Variants in RUNX1T1 observed in about 807,000 individuals in gnomAD.
RUNX1T1 encodes protein CBFA2T1.
In RUNX1T1, 4 loss-of-function variants were observed where a neutral mutation model predicts 62.8. The observed-to-expected ratio is 0.06, with a 90% CI of 0.03 to 0.15. The LOEUF (loss-of-function observed/expected upper bound fraction) is 0.15. RUNX1T1 is among the 10% of genes least tolerant of loss of function. The probability of loss-of-function intolerance (pLI) is 1.00; values close to 1 mark genes in which losing one functional copy is unlikely to be tolerated. For synonymous variants in RUNX1T1, 291 were observed against 286.0 expected (o/e 1.02, Z -0.18); for missense variants, 508 against 754.3 (o/e 0.67, Z 3.82).
At chr8:92,039,851 T>G (rs2130081747) in intron 1 of RUNX1T1, among the ~76,000 whole-genome samples, 1 of 152,284 alleles carries the variant, frequency 6.6e-6, no homozygotes, top group Middle Eastern at 3.4e-3. Context: ...CTAGAGCCTG[T>G]ACCTTCCTCC....
chr8:91,970,378 C>T (rs1812570119), intron 10 of RUNX1T1, among the ~76,000 whole-genome samples: 1 of 152,070 alleles, frequency 6.6e-6, no homozygotes, highest in Non-Finnish European at 1.5e-5. Context: ...ACACACACAG[C>T]CAAGCTATGA....
intron 10 of RUNX1T1, among the ~76,000 whole-genome samples, chr8:91,962,545 TTC>T (rs1810730675): frequency 6.6e-6 from 1 of 152,232 alleles, no homozygotes; most frequent in Non-Finnish European, 1.5e-5. Flanking sequence ...CAAGAAGCCT[TTC>T]TCTCTCAAAA....
intron 9 of RUNX1T1, among the ~76,000 whole-genome samples, chr8:91,974,639 C>A (rs1482756235): frequency 1.3e-5 from 2 of 152,054 alleles, no homozygotes; most frequent in African/African-American, 4.8e-5. Context: ...TGGTACTTGG[C>A]ATATTTTTAA....
chr8:92,062,843 T>C (rs765915455), exon 1 of RUNX1T1: 9 of 1,419,558 alleles, frequency 6.3e-6, no homozygotes, highest in Admixed American at 2.8e-5. Context: ...GGGATGTGTG[T>C]GCAAAGTATC....
chr8:92,016,381 G>A (rs1365608246), intron 2 of RUNX1T1, among the ~76,000 whole-genome samples: 1 of 151,974 alleles, frequency 6.6e-6, no homozygotes, highest in Non-Finnish European at 1.5e-5. Flanking sequence ...ACAGGTTCAA[G>A]ACAAGAAAGA....
intron 1 of RUNX1T1, among the ~76,000 whole-genome samples, chr8:92,096,964 G>A (rs1270337264): frequency 2.6e-5 from 4 of 151,748 alleles, no homozygotes; most frequent in Non-Finnish European, 4.4e-5. Flanking sequence ...GTTGAGCACC[G>A]CCCCCTCTCC....
chr8:91,984,296 T>C (rs1048357007), intron 8 of RUNX1T1, among the ~76,000 whole-genome samples: 5 of 152,238 alleles, frequency 3.3e-5, no homozygotes, highest in South Asian at 2.1e-4. Context: ...TAGTAGTGAC[T>C]ATACACAAAA....
chr8:92,078,384 T>A (rs1191436403), intron 1 of RUNX1T1, among the ~76,000 whole-genome samples: 1 of 152,158 alleles, frequency 6.6e-6, no homozygotes, highest in East Asian at 1.9e-4. Flanking sequence ...GTCTGTCACA[T>A]GGAAGTGATA....
intron 1 of RUNX1T1, among the ~76,000 whole-genome samples, chr8:92,077,594 T>C (rs1834614580): frequency 6.6e-6 from 1 of 152,082 alleles, no homozygotes; most frequent in African/African-American, 2.4e-5. Context: ...TTATATAGGC[T>C]AAACAAATAT....
At chr8:92,075,462 A>G (rs1834283155) in intron 2 of RUNX1T1, among the ~76,000 whole-genome samples, 1 of 152,258 alleles carries the variant, frequency 6.6e-6, no homozygotes, top group Admixed American at 6.5e-5. Flanking sequence ...TATGGAATGA[A>G]CTCTGCTTAG....
At chr8:92,066,994 ACCT>A (rs1354498080), upstream of RUNX1T1, among the ~76,000 whole-genome samples, 2 of 152,192 alleles carry the variant, frequency 1.3e-5, no homozygotes, top group African/African-American at 4.8e-5. Flanking sequence ...AAGCATTTGC[ACCT>A]CCTCAACTTT....
At chr8:92,073,241 T>C (rs984410601) in intron 2 of RUNX1T1, among the ~76,000 whole-genome samples, 1 of 152,168 alleles carries the variant, frequency 6.6e-6, no homozygotes. Context: ...AATGGCATTC[T>C]AGAGGACCAA....
intron 3 of RUNX1T1, among the ~76,000 whole-genome samples, 199 bp downstream of exon 4, chr8:92,014,379 GA>G (rs1822589948): frequency 6.6e-6 from 1 of 151,692 alleles, no homozygotes; most frequent in Non-Finnish European, 1.5e-5. Flanking sequence ...CAAACAGTGA[GA>G]AAAAAAACTC....
intron 10 of RUNX1T1, among the ~76,000 whole-genome samples, chr8:91,964,799 A>C (rs1811232326): frequency 6.6e-6 from 1 of 152,302 alleles, no homozygotes; most frequent in African/African-American, 2.4e-5. Context: ...ATTGAACCAT[A>C]AAGTCAGAGG....
chr8:91,972,180 G>A (rs1028861539), intron 9 of RUNX1T1, among the ~76,000 whole-genome samples: 1 of 152,028 alleles, frequency 6.6e-6, no homozygotes, highest in South Asian at 2.1e-4. Context: ...GATTAAAAAT[G>A]TAAGAGATGC....
intron 1 of RUNX1T1, among the ~76,000 whole-genome samples, chr8:92,045,351 A>G (rs1829207977): frequency 6.6e-6 from 1 of 152,118 alleles, no homozygotes; most frequent in African/African-American, 2.4e-5. Context: ...TCAGGACTCA[A>G]TTCCTCACCC....
intron 1 of RUNX1T1, among the ~76,000 whole-genome samples, chr8:92,020,290 CT>C (rs1000958119): frequency 1.3e-5 from 2 of 152,114 alleles, no homozygotes; most frequent in African/African-American, 4.8e-5. Context: ...TATTTAAAAA[CT>C]TTTTTTGAAA....
intron 1 of RUNX1T1, among the ~76,000 whole-genome samples, chr8:92,046,049 A>AC (rs1563838021): frequency 6.6e-6 from 1 of 152,142 alleles, no homozygotes; most frequent in Non-Finnish European, 1.5e-5. Flanking sequence ...TAGGAAGCCT[A>AC]CCCCATGGCC....
downstream of RUNX1T1, chr8:91,957,136 CTT>C (rs1764794563): frequency 4.7e-6 from 1 of 215,052 alleles, no homozygotes; most frequent in Non-Finnish European, 9.4e-6. Context: ...ATGAAGATAA[CTT>C]TTTCTTAATG....
Sources: gnomAD v4.1 joint callset for allele counts (sites outside exome capture counted in the v4.1 genomes callset) on GRCh38, gnomAD v4.1.1 for gene constraint, MANE v1.5 for transcripts, NCBI Gene and HGNC (gene_info 2026-07-23, HGNC 2026-07-21) for gene names.